HDAC4: variants seen among roughly 807,000 people sequenced by gnomAD.
The protein encoded by HDAC4 is histone deacetylase 4.
HDAC4 carries 16 observed loss-of-function variants against 135.1 expected under a neutral mutation model. That is an observed-to-expected ratio of 0.12 (90% CI 0.08 to 0.18). HDAC4 has a LOEUF of 0.18. Ranked by LOEUF, HDAC4 falls within the 10% of genes least tolerant of loss-of-function variation. The pLI is 1.00. For synonymous variants in HDAC4, 685 were observed against 653.4 expected, an observed-to-expected ratio of 1.05 and a Z score of -0.74; for missense variants, 1,143 against 1,511.8, an observed-to-expected ratio of 0.76 and a Z score of 4.05.
chr2:239,093,055 A>T (rs752964923), intron 17 of HDAC4, among the ~76,000 whole-genome samples: 21 of 152,016 alleles, frequency 1.4e-4, no homozygotes, highest in Admixed American at 5.2e-4. Context: ...AGCCGCGGGG[A>T]GCCGGGCGTA....
chr2:239,148,745 G>A (rs923767771), intron 7 of HDAC4, among the ~76,000 whole-genome samples: 2 of 152,220 alleles, frequency 1.3e-5, no homozygotes, highest in African/African-American at 2.4e-5. Flanking sequence ...CAGAAAGGAG[G>A]CCACGGAGCC....
chr2:239,153,540 C>A (rs915646095), intron 7 of HDAC4, among the ~76,000 whole-genome samples: 1 of 152,194 alleles, frequency 6.6e-6, no homozygotes, highest in Non-Finnish European at 1.5e-5. Context: ...TGTGTAACTA[C>A]ACACTATTCT....
intron 2 of HDAC4, chr2:239,298,082 G>A (rs2125587160): frequency 3.1e-6 from 2 of 649,272 alleles, no homozygotes; most frequent in Non-Finnish European, 5.0e-6. Context: ...GGGTCTTTAG[G>A]GTTGCTAAAA....
chr2:239,289,337 G>A (rs1016840781), intron 2 of HDAC4, among the ~76,000 whole-genome samples: 1 of 152,124 alleles, frequency 6.6e-6, no homozygotes, highest in Non-Finnish European at 1.5e-5. Flanking sequence ...AATGAAATAC[G>A]AAAAAGCACT....
intron 2 of HDAC4, among the ~76,000 whole-genome samples, chr2:239,261,853 C>T (rs190042980): frequency 3.9e-5 from 6 of 152,322 alleles, no homozygotes; most frequent in African/African-American, 7.2e-5. Context: ...GGACACCCCC[C>T]ACCCGGCCCA....
chr2:239,082,299 C>A, intron 20 of HDAC4, 78 bp from the exon 21 acceptor site: 1 of 1,581,194 alleles, frequency 6.3e-7, no homozygotes, highest in Non-Finnish European at 8.7e-7. Flanking sequence ...GTCCCCAACC[C>A]CAGTTGTGCT....
At chr2:239,101,871 C>A (rs72482158) in intron 16 of HDAC4, among the ~76,000 whole-genome samples, 12,162 of 149,780 alleles carry the variant, frequency 0.081, 434 homozygotes, top group Admixed American at 0.15. Flanking sequence ...GCCCTGGACA[C>A]CCCCGGCCCC....
At chr2:239,179,306 T>TA (rs1277625000) in intron 4 of HDAC4, among the ~76,000 whole-genome samples, 5 of 152,238 alleles carry the variant, frequency 3.3e-5, no homozygotes, top group African/African-American at 1.2e-4. Flanking sequence ...CGTGGACGGG[T>TA]AGCAGCAGTC....
rs746612197 is a variant in HDAC4 at position 239,144,597 on chromosome 2, G to A, written c.851C>T (p.Pro284Leu). 2 of 1,614,028 alleles carry A rather than the reference G, an allele frequency of 1.2e-6. No homozygotes were observed. The highest frequency in any genetic ancestry group is 1.7e-6 in the Non-Finnish European group (2 of 1,180,034). The change falls in exon 8 of 27, where the codon CCG becomes CTG. Residue 284 changes from proline to leucine, a missense_variant. By Grantham distance (98) the Pro-to-Leu change is moderately conservative. Around this residue, in one of 9 missense-constraint regions of HDAC4, gnomAD observed 272 missense variants for 309.7 expected, o/e 0.88. Transcript: ENST00000543185. The stretch of plus-strand genomic sequence containing the variant: ...AGCCGACATACCTGTGACATCCAAC[G>A]GACGCTTTTTTAGAGCAGTGACCAC... Reference protein sequence around the residue: ...GPVVTALKKRPLDVTDSACSS... With the variant: ...GPVVTALKKRLLDVTDSACSS...
chr2:239,257,928 T>C (rs931920111), intron 2 of HDAC4, among the ~76,000 whole-genome samples: 16 of 152,206 alleles, frequency 1.1e-4, no homozygotes, highest in Non-Finnish European at 1.6e-4. Context: ...AGAGACTTTG[T>C]TACTTATTTG....
At position 239,300,705 on chromosome 2, in the gene HDAC4, C is replaced by T. The variant is rs549899311; in HGVS notation, c.22+51973G>A. Among the ~76,000 whole-genome samples the T allele has an allele frequency of 1.7e-4, 26 of 152,328 alleles. 1 individual carries two copies. In the South Asian group the frequency reaches 4.8e-3, roughly 28 times the overall value. ...GTGGAAATAGCACACCTTTGTTTCC[C>T]GGAGAACCCCAGGAGCTGTAAAAAC... On this transcript the variant is annotated intron_variant, in intron 2 of 26. Coordinates refer to ENST00000543185, the MANE Select transcript of HDAC4 (RefSeq NM_001378414.1).
intron 2 of HDAC4, among the ~76,000 whole-genome samples, chr2:239,347,999 A>T (rs889533446): frequency 6.9e-6 from 1 of 144,598 alleles, no homozygotes; most frequent in Non-Finnish European, 1.5e-5. Flanking sequence ...TATCGAGAGC[A>T]TCATCCCGGT....
chr2:239,078,919 C>T (rs778253955), intron 22 of HDAC4, among the ~76,000 whole-genome samples: 3 of 152,220 alleles, frequency 2.0e-5, no homozygotes, highest in East Asian at 1.9e-4. Flanking sequence ...TCCCCGTCCA[C>T]CAGGAAAGCC....
At chr2:239,264,489 AGT>A (rs1189735043) in intron 2 of HDAC4, among the ~76,000 whole-genome samples, 2 of 152,216 alleles carry the variant, frequency 1.3e-5, no homozygotes, top group African/African-American at 4.8e-5. Context: ...TGGAAAAAGA[AGT>A]GTGGCTGCCC....
intron 2 of HDAC4, among the ~76,000 whole-genome samples, chr2:239,250,447 C>CA (rs1481621858): frequency 6.6e-6 from 1 of 152,204 alleles, no homozygotes; most frequent in Non-Finnish European, 1.5e-5. Context: ...TCCAGGGCCC[C>CA]GCACGGCCCA....
chr2:239,353,867 C>T (rs1439229456), intron 1 of HDAC4, among the ~76,000 whole-genome samples: 1 of 152,212 alleles, frequency 6.6e-6, no homozygotes, highest in Non-Finnish European at 1.5e-5. Context: ...AGCCTGGATC[C>T]ATAGACATTC....
rs912026092 is a variant in HDAC4, at chr2:239,400,172, T to C, written c.-220+806A>G. Among the ~76,000 whole-genome samples the C allele has an allele frequency of 4.1e-4, 62 of 151,530 alleles. No individual in the cohort carries two copies. The highest frequency in any genetic ancestry group is 1.7e-3 in the Admixed American group (26 of 15,240). ...CTCGGCCTGCTGGCGCCCTGCGGGC[T>C]GAGCCGAGCGGGTCCCGGGCAGCCC... On this transcript the variant is annotated intron_variant, in intron 1 of 26. Coordinates refer to ENST00000543185, the MANE Select transcript of HDAC4 (RefSeq NM_001378414.1). The surrounding 1 kb of genome is among the most constrained non-coding windows in gnomAD (Gnocchi z 4.7).
intron 11 of HDAC4, 99 bp from the exon 12 acceptor site, chr2:239,126,793 G>T: frequency 7.7e-7 from 1 of 1,302,918 alleles, no homozygotes; most frequent in South Asian, 1.2e-5. Context: ...TGCGCCCTGT[G>T]CCCGCCAGCC....
chr2:239,310,135 G>C (rs1055259078), intron 2 of HDAC4, among the ~76,000 whole-genome samples: 1 of 152,250 alleles, frequency 6.6e-6, no homozygotes, highest in Admixed American at 6.5e-5. Flanking sequence ...GGAATGGTCC[G>C]TGGCAGTCAT....
Sources: allele counts gnomAD v4.1 joint callset (sites outside exome capture counted in the v4.1 genomes callset), GRCh38; gene constraint gnomAD v4.1.1; regional missense constraint gnomAD v4.1.1; non-coding constraint Gnocchi (gnomAD v3.1); transcripts MANE v1.5; gene names NCBI Gene and HGNC (gene_info 2026-07-23, HGNC 2026-07-21).